The following IL31RA variants were observed in gnomAD, a reference collection of about 807,000 sequenced individuals.
The protein encoded by IL31RA is interleukin 31 receptor A.
A neutral mutation model predicts 83.7 loss-of-function variants in IL31RA; 66 were observed. That is an observed-to-expected ratio of 0.79 (90% confidence interval 0.65 to 0.97). The LOEUF (loss-of-function observed/expected upper bound fraction) is 0.97. Ranked by LOEUF, IL31RA falls within the 50% of genes least tolerant of loss-of-function variation. The pLI, the probability that IL31RA is intolerant of heterozygous loss-of-function variation, is 0.00. For missense variants in IL31RA, 798 were observed against 919.4 expected (o/e 0.87, Z 1.71); for synonymous variants, 325 against 329.0 (o/e 0.99, Z 0.13).
chr5:55,897,533 C>T (rs115556739), intron 7 of IL31RA, among the ~76,000 whole-genome samples: 35 of 152,252 alleles, frequency 2.3e-4, no homozygotes, highest in African/African-American at 8.2e-4. Flanking sequence ...CTGGTGTGTC[C>T]TCGAGTCATT....
intron 7 of IL31RA, among the ~76,000 whole-genome samples, chr5:55,898,386 A>G (rs1028870893): frequency 1.9e-4 from 28 of 148,594 alleles, no homozygotes; most frequent in African/African-American, 6.9e-4. Flanking sequence ...TTAAAAAAGA[A>G]TGTACTAAAA....
At chr5:55,906,410 G>A in intron 9 of IL31RA, 122 bp downstream of exon 9, 2 of 958,502 alleles carry the variant, frequency 2.1e-6, no homozygotes, top group Non-Finnish European at 3.3e-6. Flanking sequence ...TGTCAAGCTT[G>A]TGCAAGCTTA....
At chr5:55,844,757 C>CT in the IL31RA span, among the ~76,000 whole-genome samples, 152,250 of 152,252 alleles carry the variant, frequency 1, 76,124 homozygotes, top group Middle Eastern at 1. Flanking sequence ...TATGTTACAC[C>CT]TTTGCAGTTG....
At chr5:55,909,682 A>T (rs182552244) in intron 11 of IL31RA, among the ~76,000 whole-genome samples, 151 of 150,098 alleles carry the variant, frequency 1.0e-3, no homozygotes, top group African/African-American at 3.4e-3. Context: ...GCATCTTTTC[A>T]TGTAGTTTTT....
chr5:55,847,420 A>G (rs1170682173), upstream of IL31RA, among the ~76,000 whole-genome samples: 1 of 151,984 alleles, frequency 6.6e-6, no homozygotes, highest in Non-Finnish European at 1.5e-5. Flanking sequence ...TGTCTCTACT[A>G]AAAATACAAA....
At chr5:55,856,391 A>T (rs974017599) in intron 1 of IL31RA, among the ~76,000 whole-genome samples, 11 of 152,224 alleles carry the variant, frequency 7.2e-5, no homozygotes, top group Non-Finnish European at 4.4e-5. Context: ...AAGACCAGTT[A>T]TTCAAAACTG....
At chr5:55,850,412 T>A (rs1407915240), upstream of IL31RA, among the ~76,000 whole-genome samples, 4 of 152,240 alleles carry the variant, frequency 2.6e-5, no homozygotes, top group Non-Finnish European at 5.9e-5. Flanking sequence ...TTTCCTCAAC[T>A]TTATTTTCTA....
chr5:55,900,478 C>A (rs1748746147), intron 8 of IL31RA, among the ~76,000 whole-genome samples: 1 of 152,148 alleles, frequency 6.6e-6, no homozygotes, highest in East Asian at 1.9e-4. Context: ...CATTTGTCCT[C>A]CGTGACCGAA....
At chr5:55,911,184 T>TA (rs35223470) in intron 12 of IL31RA, among the ~76,000 whole-genome samples, 47,142 of 152,012 alleles carry the variant, frequency 0.31, 7,516 homozygotes, top group African/African-American at 0.36. Context: ...ATGCACATCT[T>TA]ACATGGTGGC....
intron 4 of IL31RA, among the ~76,000 whole-genome samples, chr5:55,875,728 A>G (rs945163114): frequency 5.9e-5 from 9 of 152,218 alleles, no homozygotes; most frequent in Non-Finnish European, 1.3e-4. Flanking sequence ...TCAGTTACAA[A>G]GAAAACTCAA....
chr5:55,887,879 T>A (rs1242301663), intron 5 of IL31RA, among the ~76,000 whole-genome samples: 3 of 144,080 alleles, frequency 2.1e-5, no homozygotes, highest in Non-Finnish European at 3.0e-5. Flanking sequence ...CAAGACTCTG[T>A]CTCAAAAAAA....
chr5:55,840,604 T>C, the IL31RA span, among the ~76,000 whole-genome samples: 92,704 of 152,022 alleles, frequency 0.61, 29,629 homozygotes, highest in Middle Eastern at 0.73. Context: ...AGTAGGCATT[T>C]TGAAGGACCT....
chr5:55,889,623 C>G (rs1747857173), intron 5 of IL31RA, among the ~76,000 whole-genome samples: 1 of 152,186 alleles, frequency 6.6e-6, no homozygotes, highest in Admixed American at 6.5e-5. Flanking sequence ...GTTGGAGTCA[C>G]CTCCTAGGCC....
At position 55,917,104 on chromosome 5, in the gene IL31RA, C is replaced by G; in HGVS notation, c.2279C>G (p.Thr760Ser). 1.2e-6 allele frequency: 2 copies of G among 1,614,154 alleles called. No homozygotes were observed. Among genetic ancestry groups the G allele is most frequent in the Non-Finnish European group, 8.5e-7 (1 of 1,180,032 alleles). The change falls in exon 15 of 15, where the codon ACC becomes AGC. Residue 760 changes from threonine to serine, a missense_variant. Physicochemically the swap from Thr to Ser is moderately conservative, Grantham distance 58. Coordinates refer to ENST00000652347, the MANE Select transcript of IL31RA (RefSeq NM_139017.7). ...GTGTCTGAAAAACTTCCAGAGCACA[C>G]CAAGGGAGAAGTCTAAATGCGACCA... ...FLVSEKLPEH[T>S]KGEV
chr5:55,878,476 G>A (rs1580687640), intron 4 of IL31RA, among the ~76,000 whole-genome samples: 2 of 152,262 alleles, frequency 1.3e-5, no homozygotes, highest in Admixed American at 6.5e-5. Context: ...ACCTCTCCAC[G>A]TCTTTGCAGA....
intron 2 of IL31RA, 81 bp from the exon 3 acceptor site, chr5:55,868,710 A>G (rs1746331709): frequency 2.3e-6 from 2 of 888,066 alleles, no homozygotes; most frequent in Non-Finnish European, 3.8e-6. Context: ...CATATTTTCC[A>G]TTAAAAATGT....
intron 3 of IL31RA, among the ~76,000 whole-genome samples, chr5:55,869,595 TC>T (rs1746388973): frequency 6.6e-6 from 1 of 152,080 alleles, no homozygotes; most frequent in Non-Finnish European, 1.5e-5. Flanking sequence ...TGCCTCAGCC[TC>T]CCAAGTAGCT....
chr5:55,884,994 A>C (rs528332748), intron 5 of IL31RA, among the ~76,000 whole-genome samples: 1 of 152,152 alleles, frequency 6.6e-6, no homozygotes, highest in Non-Finnish European at 1.5e-5. Flanking sequence ...ACTTCCTTCT[A>C]TACCTTTATC....
At chr5:55,876,298 C>T (rs1002453267) in intron 4 of IL31RA, among the ~76,000 whole-genome samples, 9 of 151,910 alleles carry the variant, frequency 5.9e-5, no homozygotes, top group African/African-American at 1.9e-4. Context: ...CCCAGCTACT[C>T]GGGAGGCTGA....
Sources: allele counts gnomAD v4.1 joint callset (sites outside exome capture counted in the v4.1 genomes callset), GRCh38; gene constraint gnomAD v4.1.1; transcripts MANE v1.5; gene names NCBI Gene and HGNC (gene_info 2026-07-23, HGNC 2026-07-21).